CALCRL: variants seen among roughly 807,000 people sequenced by gnomAD.
CALCRL encodes calcitonin receptor like receptor, also known as calcitonin gene-related peptide type 1 receptor.
In CALCRL, 27 loss-of-function variants were observed where a neutral mutation model predicts 60.4. The observed-to-expected ratio is 0.45, with a 90% CI of 0.33 to 0.62. The LOEUF (loss-of-function observed/expected upper bound fraction) is 0.62. CALCRL is among the 20% of genes least tolerant of loss of function. CALCRL has a pLI of 0.03. For synonymous variants in CALCRL, 190 were observed against 182.6 expected, an observed-to-expected ratio of 1.04 and a Z score of -0.33; for missense variants, 424 against 540.7, an observed-to-expected ratio of 0.78 and a Z score of 2.14.
chr2:187,421,899 C>G (rs1336280801), intron 1 of CALCRL, among the ~76,000 whole-genome samples: 1 of 152,156 alleles, frequency 6.6e-6, no homozygotes, highest in Non-Finnish European at 1.5e-5. Context: ...TCTTTTCCCT[C>G]TTCAACAAAA....
intron 1 of CALCRL, among the ~76,000 whole-genome samples, chr2:187,421,172 G>A (rs1025746662): frequency 1.6e-4 from 24 of 152,148 alleles, no homozygotes; most frequent in African/African-American, 5.3e-4. Context: ...GAAAGTACAA[G>A]ATAACTGAAA....
rs1349501100 is a variant in CALCRL, at chr2:187,343,453, G to A, written c.*2731C>T. On this transcript the variant is annotated 3_prime_UTR_variant, in exon 15 of 15. Transcript: ENST00000392370. Reference sequence around the variant, plus strand: ...GATTAAAACCAAGAGAAAATTAAAAGTAAGTTCACATTTAAAAAAAATTAT... The same window carrying A: ...GATTAAAACCAAGAGAAAATTAAAAATAAGTTCACATTTAAAAAAAATTAT... The A allele has an allele frequency of 6.6e-6, 1 of 151,680 alleles. No homozygotes were observed. Among genetic ancestry groups the A allele is most frequent in the Admixed American group, 6.6e-5 (1 of 15,148 alleles). 9.4% of individuals were successfully genotyped at this position (151,680 alleles called of 1,614,324 possible). A position where few individuals can be genotyped will look rare whatever the true frequency, so the allele number is the denominator to read the frequency against.
chr2:187,423,881 C>T (rs1690008693), intron 1 of CALCRL, among the ~76,000 whole-genome samples: 1 of 151,960 alleles, frequency 6.6e-6, no homozygotes, highest in Non-Finnish European at 1.5e-5. Flanking sequence ...AAATAAAAAA[C>T]TGCAGCATGA....
intron 1 of CALCRL, among the ~76,000 whole-genome samples, chr2:187,415,975 C>A (rs966866117): frequency 1.3e-5 from 2 of 152,106 alleles, no homozygotes; most frequent in African/African-American, 2.4e-5. Context: ...TCCATGCAGA[C>A]CCCCTGAAGA....
At chr2:187,440,344 A>C (rs1690838640) in intron 1 of CALCRL, among the ~76,000 whole-genome samples, 2 of 152,150 alleles carry the variant, frequency 1.3e-5, no homozygotes, top group Non-Finnish European at 2.9e-5. Context: ...TATTTTGAGT[A>C]ATTAGGGGTA....
intron 1 of CALCRL, among the ~76,000 whole-genome samples, chr2:187,403,607 G>A (rs1375156565): frequency 6.6e-6 from 1 of 151,920 alleles, no homozygotes; most frequent in Non-Finnish European, 1.5e-5. Context: ...ACTGGATAAA[G>A]GGCAGAGTTT....
At chr2:187,412,561 T>C (rs918315805) in intron 1 of CALCRL, among the ~76,000 whole-genome samples, 1 of 152,222 alleles carries the variant, frequency 6.6e-6, no homozygotes, top group Non-Finnish European at 1.5e-5. Context: ...GTTTATTGTA[T>C]TAAGCAGATC....
intron 8 of CALCRL, among the ~76,000 whole-genome samples, chr2:187,368,004 A>G (rs1178173541): frequency 6.6e-6 from 1 of 152,088 alleles, no homozygotes; most frequent in Non-Finnish European, 1.5e-5. Flanking sequence ...TTTAGAAGTA[A>G]GTAGCGTCAA....
intron 12 of CALCRL, 63 bp from the exon 13 acceptor site, chr2:187,352,395 C>T: frequency 1.2e-6 from 1 of 865,734 alleles, no homozygotes. Context: ...AAGCATTATT[C>T]AAGTATCTCC....
intron 1 of CALCRL, among the ~76,000 whole-genome samples, chr2:187,419,901 T>A (rs1689796654): frequency 6.6e-6 from 1 of 152,232 alleles, no homozygotes; most frequent in Admixed American, 6.5e-5. Flanking sequence ...TTTTAAGTGA[T>A]ATGATTAATA....
chr2:187,423,068 G>A (rs1043681834), intron 1 of CALCRL, among the ~76,000 whole-genome samples: 5 of 151,936 alleles, frequency 3.3e-5, no homozygotes, highest in Non-Finnish European at 4.4e-5. Context: ...GACTGTAAGA[G>A]AAATAAATAG....
intron 8 of CALCRL, among the ~76,000 whole-genome samples, chr2:187,370,248 G>T (rs1379536193): frequency 6.6e-6 from 1 of 152,012 alleles, no homozygotes. Flanking sequence ...AGTTTTGAGA[G>T]TGTGCTTTGA....
chr2:187,363,575 C>T (rs1257568774), intron 8 of CALCRL, 73 bp from the exon 9 acceptor site: 8 of 1,384,126 alleles, frequency 5.8e-6, no homozygotes, highest in Non-Finnish European at 7.7e-6. Context: ...AAATAAGATA[C>T]ATTCCCAATT....
At chr2:187,435,467 G>A (rs547446232) in intron 1 of CALCRL, among the ~76,000 whole-genome samples, 74 of 152,118 alleles carry the variant, frequency 4.9e-4, no homozygotes, top group African/African-American at 1.7e-3. Context: ...CCAACACTGG[G>A]GAATCACATT....
intron 8 of CALCRL, among the ~76,000 whole-genome samples, chr2:187,367,836 A>G (rs557910273): frequency 2.6e-5 from 4 of 152,208 alleles, no homozygotes; most frequent in African/African-American, 4.8e-5. Flanking sequence ...TTTTTTACAT[A>G]TAATTATTTT....
At chr2:187,369,668 C>T (rs1172676268) in intron 8 of CALCRL, among the ~76,000 whole-genome samples, 1 of 152,102 alleles carries the variant, frequency 6.6e-6, no homozygotes, top group African/African-American at 2.4e-5. Flanking sequence ...CAAAGCAAAA[C>T]CCTGACCTCA....
chr2:187,413,319 C>T (rs745580003), intron 1 of CALCRL, among the ~76,000 whole-genome samples: 18 of 152,110 alleles, frequency 1.2e-4, no homozygotes, highest in Non-Finnish European at 2.1e-4. Flanking sequence ...AAGACTGAAA[C>T]ATTCATTGTT....
At chr2:187,349,309 G>T (rs1158713933) in intron 14 of CALCRL, among the ~76,000 whole-genome samples, 1 of 151,502 alleles carries the variant, frequency 6.6e-6, no homozygotes, top group Non-Finnish European at 1.5e-5. Flanking sequence ...AATGCTAATA[G>T]CAAGACGTTA....
intron 8 of CALCRL, among the ~76,000 whole-genome samples, chr2:187,374,300 G>T (rs183031537): frequency 2.0e-5 from 3 of 152,156 alleles, no homozygotes; most frequent in Admixed American, 1.3e-4. Flanking sequence ...GCCTGAGAAT[G>T]ATAATAATAA....
Sources: allele counts gnomAD v4.1 joint callset (sites outside exome capture counted in the v4.1 genomes callset), GRCh38; gene constraint gnomAD v4.1.1; transcripts MANE v1.5; gene names NCBI Gene and HGNC (gene_info 2026-07-23, HGNC 2026-07-21).